The following SAMD4A variants were observed in gnomAD, a reference collection of about 807,000 sequenced individuals.
The protein encoded by SAMD4A is sterile alpha motif domain containing 4A.
SAMD4A carries 33 observed loss-of-function variants against 81.3 expected under a neutral mutation model. That is an observed-to-expected ratio of 0.41 (90% CI 0.31 to 0.54). The LOEUF (loss-of-function observed/expected upper bound fraction) is 0.54, where lower values mean the gene tolerates loss of function less well. SAMD4A is among the 20% of genes least tolerant of loss of function. The pLI is 0.37. For missense variants in SAMD4A, 854 were observed against 951.1 expected, an observed-to-expected ratio of 0.90 and a Z score of 1.34; for synonymous variants, 389 against 382.1, an observed-to-expected ratio of 1.02 and a Z score of -0.21.
At chr14:54,776,015 T>TAAAAAAAAA (rs10539223) in intron 10 of SAMD4A, among the ~76,000 whole-genome samples, 2 of 89,840 alleles carry the variant, frequency 2.2e-5, no homozygotes, top group African/African-American at 9.7e-5. Context: ...GTAAGAATCT[T>TAAAAAAAAA]AAAAAAAAAA....
At chr14:54,678,430 CATTTGTGTGTGT>C (rs2036039361) in intron 2 of SAMD4A, among the ~76,000 whole-genome samples, 1 of 78,998 alleles carries the variant, frequency 1.3e-5, no homozygotes, top group African/African-American at 5.4e-5. Flanking sequence ...GGGCAGTCAC[CATTTGTGTGTGT>C]GTGTGTGTGT....
chr14:54,636,736 G>T (rs1013618070), intron 2 of SAMD4A, among the ~76,000 whole-genome samples: 1 of 152,102 alleles, frequency 6.6e-6, no homozygotes, highest in South Asian at 2.1e-4. Flanking sequence ...GAGGAGTCAG[G>T]AATTATCCTA....
At chr14:54,637,725 G>A (rs1380216012) in intron 2 of SAMD4A, among the ~76,000 whole-genome samples, 1 of 152,164 alleles carries the variant, frequency 6.6e-6, no homozygotes, top group Admixed American at 6.5e-5. Flanking sequence ...GAGCAGGGGT[G>A]GAAGGTAGCT....
At chr14:54,781,605 G>A (rs1466232666) in intron 11 of SAMD4A, among the ~76,000 whole-genome samples, 1 of 152,216 alleles carries the variant, frequency 6.6e-6, no homozygotes, top group Non-Finnish European at 1.5e-5. Flanking sequence ...CAGTTAAAGA[G>A]GGGTCTTTCC....
intron 4 of SAMD4A, among the ~76,000 whole-genome samples, chr14:54,747,757 G>C (rs1344576221): frequency 6.4e-4 from 97 of 152,088 alleles, no homozygotes; most frequent in Non-Finnish European, 8.8e-5. Flanking sequence ...TCTGGGTTCT[G>C]GTTGCCATTT....
At chr14:54,633,584 T>A (rs1178031998) in intron 2 of SAMD4A, among the ~76,000 whole-genome samples, 1 of 151,756 alleles carries the variant, frequency 6.6e-6, no homozygotes, top group Non-Finnish European at 1.5e-5. Context: ...GCCTGGTGCC[T>A]AGGGGGTAGT....
chr14:54,684,296 C>G (rs2140596376), intron 2 of SAMD4A, among the ~76,000 whole-genome samples: 1 of 152,326 alleles, frequency 6.6e-6, no homozygotes, highest in Non-Finnish European at 1.5e-5. Context: ...AAAGGGGGAG[C>G]AGCTTACTTT....
intron 2 of SAMD4A, among the ~76,000 whole-genome samples, chr14:54,690,679 C>T (rs1487765170): frequency 6.6e-6 from 1 of 152,210 alleles, no homozygotes; most frequent in South Asian, 2.1e-4. Flanking sequence ...CAGATCCTAG[C>T]ACTAGGCCAT....
At chr14:54,725,293 G>A (rs1408115841) in intron 3 of SAMD4A, among the ~76,000 whole-genome samples, 1 of 152,230 alleles carries the variant, frequency 6.6e-6, no homozygotes, top group Non-Finnish European at 1.5e-5. Context: ...TAGTGGAAAA[G>A]GAGGTGATTC....
intron 2 of SAMD4A, among the ~76,000 whole-genome samples, chr14:54,597,584 C>CTTTTT (rs71127662): frequency 2.4e-4 from 22 of 90,860 alleles, no homozygotes; most frequent in East Asian, 8.3e-4. Context: ...TTCCTTCTAT[C>CTTTTT]TTTTTTTTTT....
At chr14:54,783,262 G>T (rs550699610) in intron 11 of SAMD4A, among the ~76,000 whole-genome samples, 3 of 152,268 alleles carry the variant, frequency 2.0e-5, no homozygotes, top group Non-Finnish European at 4.4e-5. Context: ...ACATGTATGA[G>T]GCAGAAGGCC....
intron 2 of SAMD4A, among the ~76,000 whole-genome samples, chr14:54,614,593 C>T (rs1311338310): frequency 6.6e-6 from 1 of 152,200 alleles, no homozygotes; most frequent in Admixed American, 6.5e-5. Flanking sequence ...TTTCCCTCCT[C>T]TTTCTATAAA....
At chr14:54,566,594 C>T (rs989203008), upstream of SAMD4A, among the ~76,000 whole-genome samples, 3 of 151,694 alleles carry the variant, frequency 2.0e-5, no homozygotes, top group Admixed American at 6.6e-5. Flanking sequence ...CGGGGCCGCC[C>T]CGCTGGCCGA....
intron 2 of SAMD4A, among the ~76,000 whole-genome samples, chr14:54,615,895 G>A (rs533978796): frequency 2.8e-4 from 42 of 148,834 alleles, no homozygotes; most frequent in Non-Finnish European, 5.6e-4. Flanking sequence ...CCTCCCCCCC[G>A]ATAGAAGACA....
chr14:54,730,348 T>G (rs1445306719), intron 3 of SAMD4A, among the ~76,000 whole-genome samples: 2 of 152,258 alleles, frequency 1.3e-5, no homozygotes, highest in African/African-American at 2.4e-5. Context: ...CAGCTTTTTC[T>G]TCTTCTAGAG....
At chr14:54,636,640 C>T (rs2035041854) in intron 2 of SAMD4A, among the ~76,000 whole-genome samples, 1 of 152,094 alleles carries the variant, frequency 6.6e-6, no homozygotes, top group South Asian at 2.1e-4. Flanking sequence ...TGGTCGTGCT[C>T]TGAATATATT....
intron 2 of SAMD4A, among the ~76,000 whole-genome samples, chr14:54,600,906 T>A (rs2034036052): frequency 6.6e-6 from 1 of 152,240 alleles, no homozygotes. Context: ...AACAGCATGC[T>A]TAGACTACAT....
intron 6 of SAMD4A, among the ~76,000 whole-genome samples, chr14:54,758,952 C>T (rs1310497013): frequency 1.3e-5 from 2 of 152,200 alleles, no homozygotes; most frequent in African/African-American, 4.8e-5. Context: ...TGCAGAGGGC[C>T]CACCCCAGCC....
intron 8 of SAMD4A, among the ~76,000 whole-genome samples, chr14:54,768,709 T>G (rs1478189624): frequency 6.6e-6 from 1 of 152,222 alleles, no homozygotes; most frequent in East Asian, 1.9e-4. Context: ...AGAGGGACTG[T>G]GGAGGAGAGC....
Sources: gnomAD v4.1 joint callset for allele counts (sites outside exome capture counted in the v4.1 genomes callset) on GRCh38, gnomAD v4.1.1 for gene constraint, MANE v1.5 for transcripts, NCBI Gene and HGNC (gene_info 2026-07-23, HGNC 2026-07-21) for gene names.